The following ST6GAL1 variants were observed in gnomAD, a reference collection of about 807,000 sequenced individuals.
ST6GAL1 encodes the protein beta-galactoside alpha-2,6-sialyltransferase 1.
In ST6GAL1, 20 loss-of-function variants were observed where a neutral mutation model predicts 38.0. The ratio of observed to expected loss-of-function variants is 0.53; its 90% CI spans 0.37 to 0.77. ST6GAL1 has a LOEUF of 0.77. Ranked by LOEUF, ST6GAL1 falls within the 30% of genes least tolerant of loss-of-function variation. The pLI is 0.00. For missense variants in ST6GAL1, 432 were observed against 496.4 expected (o/e 0.87, Z 1.23); for synonymous variants, 196 against 188.2 (o/e 1.04, Z -0.34).
chr3:187,067,275 C>T (rs1372200275), intron 5 of ST6GAL1, among the ~76,000 whole-genome samples: 3 of 148,424 alleles, frequency 2.0e-5, no homozygotes, highest in South Asian at 4.3e-4. Context: ...TTAGTAGAGA[C>T]GAGGTTTTAC....
intron 5 of ST6GAL1, among the ~76,000 whole-genome samples, chr3:187,057,382 G>T (rs1381935288): frequency 6.6e-6 from 1 of 152,204 alleles, no homozygotes; most frequent in East Asian, 1.9e-4. Context: ...AGGCAAAGAG[G>T]CACTCTGGTT....
At chr3:186,985,062 T>C (rs559747362) in intron 2 of ST6GAL1, among the ~76,000 whole-genome samples, 31 of 151,904 alleles carry the variant, frequency 2.0e-4, no homozygotes, top group African/African-American at 7.2e-4. Context: ...GTGCCCACCA[T>C]GACACATGGC....
intron 4 of ST6GAL1, among the ~76,000 whole-genome samples, chr3:187,048,233 G>A (rs188529332): frequency 2.3e-3 from 352 of 152,232 alleles, no homozygotes; most frequent in Non-Finnish European, 4.0e-3. Context: ...GTGAGCCACC[G>A]TGCCCAGCCT....
chr3:187,006,774 C>G (rs1011620797), intron 2 of ST6GAL1, among the ~76,000 whole-genome samples: 1 of 152,158 alleles, frequency 6.6e-6, no homozygotes. Context: ...GATTTCATTC[C>G]AGTCATCTCC....
chr3:186,974,680 C>G (rs1443734803), intron 2 of ST6GAL1, among the ~76,000 whole-genome samples: 1 of 148,450 alleles, frequency 6.7e-6, no homozygotes, highest in Non-Finnish European at 1.5e-5. Context: ...AGGAAGATCT[C>G]ATTAATTAAT....
At position 187,017,918 on chromosome 3, in the gene ST6GAL1, G is replaced by T. The variant is rs1332887555; in HGVS notation, c.-182-20824G>T. On this transcript the variant is annotated intron_variant, in intron 2 of 7. Coordinates refer to ENST00000169298, the MANE Select transcript of ST6GAL1 (RefSeq NM_173216.2). ...AGTTTGAATAATCAGACCCACGTTA[G>T]TAGGATTTCAGAGGAAATCCTTATC... Among the ~76,000 whole-genome samples the T allele has an allele frequency of 3.3e-5, 5 of 152,220 alleles. No homozygotes were observed. In the East Asian group the frequency reaches 7.7e-4, roughly 23 times the overall value.
intron 4 of ST6GAL1, among the ~76,000 whole-genome samples, chr3:187,050,622 AAG>A (rs1312707956): frequency 4.6e-5 from 7 of 151,670 alleles, no homozygotes; most frequent in African/African-American, 7.3e-5. Flanking sequence ...AAGGAAGGAA[AAG>A]AGAGAGAGGA....
chr3:186,937,222 C>T (rs1337612758), intron 1 of ST6GAL1, among the ~76,000 whole-genome samples: 5 of 152,046 alleles, frequency 3.3e-5, no homozygotes, highest in Non-Finnish European at 5.9e-5. Flanking sequence ...TTCTTTCATT[C>T]GTCACCCATA....
intron 2 of ST6GAL1, among the ~76,000 whole-genome samples, chr3:187,020,875 A>C (rs1419645690): frequency 1.3e-5 from 2 of 152,170 alleles, no homozygotes; most frequent in African/African-American, 4.8e-5. Flanking sequence ...AAATCAGTAC[A>C]TGGAAGGTAA....
chr3:187,047,821 A>G (rs1202838443), intron 4 of ST6GAL1, among the ~76,000 whole-genome samples: 1 of 152,096 alleles, frequency 6.6e-6, no homozygotes, highest in African/African-American at 2.4e-5. Context: ...ATAATTGTAC[A>G]TATTTATGGG....
chr3:186,995,093 G>A (rs942016902), intron 2 of ST6GAL1, among the ~76,000 whole-genome samples: 1 of 152,158 alleles, frequency 6.6e-6, no homozygotes, highest in Non-Finnish European at 1.5e-5. Flanking sequence ...GTGTGTATGT[G>A]TATATATTAG....
At chr3:187,068,541 C>T (rs1719251924) in intron 5 of ST6GAL1, among the ~76,000 whole-genome samples, 1 of 152,088 alleles carries the variant, frequency 6.6e-6, no homozygotes, top group Non-Finnish European at 1.5e-5. Flanking sequence ...TATGACAGTA[C>T]CTAGCATGTA....
chr3:186,980,766 C>CA (rs58623543), intron 2 of ST6GAL1, among the ~76,000 whole-genome samples: 19,505 of 121,168 alleles, frequency 0.16, 1,450 homozygotes, highest in South Asian at 0.25. Flanking sequence ...GACTCCATCT[C>CA]AAAAAAAAAA....
At chr3:187,032,568 G>A (rs559657896) in intron 2 of ST6GAL1, among the ~76,000 whole-genome samples, 1 of 152,200 alleles carries the variant, frequency 6.6e-6, no homozygotes, top group East Asian at 1.9e-4. Context: ...AGAGAAGAAG[G>A]TTGACAAGAT....
chr3:187,077,482 G>A lies in ST6GAL1; in HGVS notation c.*1679G>A, dbSNP rs1719602531. 6.6e-6 allele frequency: 1 copy of A among 152,586 alleles called. No homozygotes were observed. The highest frequency in any genetic ancestry group is 6.5e-5 in the Admixed American group (1 of 15,300). The allele number at this position is 152,586 out of a possible 1,614,324, so 9.5% of individuals were successfully genotyped here. A position where few individuals can be genotyped will look rare whatever the true frequency, so the allele number is the denominator to read the frequency against. The stretch of plus-strand genomic sequence containing the variant: ...CTCGGAGCTGGGCTCCTCATTTACT[G>A]CCAAACCCTCAGCTTATGTAGCTAG... On this transcript the variant is annotated 3_prime_UTR_variant, in exon 8 of 8. Transcript: ENST00000169298.
intron 2 of ST6GAL1, among the ~76,000 whole-genome samples, chr3:187,013,236 A>G (rs1186894146): frequency 6.6e-6 from 1 of 152,164 alleles, no homozygotes; most frequent in African/African-American, 2.4e-5. Context: ...CTGTCTGGAG[A>G]GACTTAAAAT....
intron 2 of ST6GAL1, among the ~76,000 whole-genome samples, chr3:187,032,850 G>C (rs1352257740): frequency 6.6e-6 from 1 of 152,148 alleles, no homozygotes; most frequent in East Asian, 1.9e-4. Context: ...CCTAGGGTTT[G>C]CCTGCCTGCC....
At chr3:187,053,731 A>T (rs538270998) in intron 5 of ST6GAL1, among the ~76,000 whole-genome samples, 4 of 152,146 alleles carry the variant, frequency 2.6e-5, no homozygotes, top group African/African-American at 7.2e-5. Flanking sequence ...GTCAAGTAGC[A>T]TGATGCCTCC....
At chr3:187,052,582 A>G (rs963725012) in intron 5 of ST6GAL1, among the ~76,000 whole-genome samples, 2 of 152,186 alleles carry the variant, frequency 1.3e-5, no homozygotes, top group African/African-American at 4.8e-5. Context: ...TTTGCTCAGC[A>G]TGATGGTTTC....
Sources: gnomAD v4.1 joint callset for allele counts (sites outside exome capture counted in the v4.1 genomes callset) on GRCh38, gnomAD v4.1.1 for gene constraint, MANE v1.5 for transcripts, NCBI Gene and HGNC (gene_info 2026-07-23, HGNC 2026-07-21) for gene names.